Variants in CNTN4 observed in about 807,000 individuals in gnomAD.
CNTN4 encodes the protein contactin-4.
CNTN4 carries 77 observed loss-of-function variants against 122.5 expected under a neutral mutation model. That is an observed-to-expected ratio of 0.63 (90% CI 0.52 to 0.76). The LOEUF is 0.76. Among genes scored for constraint, CNTN4 ranks in the 30% least tolerant of loss-of-function variants. CNTN4 has a pLI of 0.00. For missense variants in CNTN4, 1,256 were observed against 1,259.1 expected (o/e 1.00, Z 0.04); for synonymous variants, 512 against 447.0 (o/e 1.15, Z -1.83).
chr3:2,682,754 C>G (rs954808133), intron 4 of CNTN4, among the ~76,000 whole-genome samples: 1 of 151,928 alleles, frequency 6.6e-6, no homozygotes, highest in South Asian at 2.1e-4. Context: ...AAAATTGCAC[C>G]CTGTATCATA....
At chr3:2,757,321 C>G (rs1039596950) in intron 6 of CNTN4, among the ~76,000 whole-genome samples, 3 of 152,108 alleles carry the variant, frequency 2.0e-5, no homozygotes, top group Non-Finnish European at 4.4e-5. Context: ...AGAATTGGCC[C>G]TTTCTCCATA....
intron 3 of CNTN4, among the ~76,000 whole-genome samples, chr3:2,396,671 A>G (rs992461305): frequency 8.9e-6 from 1 of 112,924 alleles, no homozygotes; most frequent in Non-Finnish European, 2.2e-5. Context: ...TTTTTTTTTT[A>G]TTAACCTCTC....
At chr3:2,176,961 A>G (rs2036774227) in intron 2 of CNTN4, among the ~76,000 whole-genome samples, 2 of 152,154 alleles carry the variant, frequency 1.3e-5, no homozygotes, top group South Asian at 4.1e-4. Flanking sequence ...TACCCAAGAA[A>G]ACCTATAGAC....
chr3:2,786,109 T>A (rs1208581557), intron 6 of CNTN4, among the ~76,000 whole-genome samples: 1 of 151,790 alleles, frequency 6.6e-6, no homozygotes, highest in Non-Finnish European at 1.5e-5. Context: ...TTCCCCTCCA[T>A]CCCCTTTCCA....
At chr3:2,662,926 T>G (rs187243054) in intron 4 of CNTN4, among the ~76,000 whole-genome samples, 1 of 152,020 alleles carries the variant, frequency 6.6e-6, no homozygotes, top group African/African-American at 2.4e-5. Context: ...AGCCCCATCT[T>G]CACATTTGTA....
At chr3:2,456,113 G>A (rs2048989405) in intron 3 of CNTN4, among the ~76,000 whole-genome samples, 1 of 152,024 alleles carries the variant, frequency 6.6e-6, no homozygotes, top group Non-Finnish European at 1.5e-5. Context: ...TATCTGCACA[G>A]CTAAGAGCAG....
chr3:2,252,200 A>G (rs981900819), intron 2 of CNTN4, among the ~76,000 whole-genome samples: 1 of 151,952 alleles, frequency 6.6e-6, no homozygotes, highest in Non-Finnish European at 1.5e-5. Context: ...TCCCTCCAAC[A>G]TAGTTGAGTG....
At chr3:2,432,638 A>G (rs144455671) in intron 3 of CNTN4, among the ~76,000 whole-genome samples, 1 of 151,530 alleles carries the variant, frequency 6.6e-6, no homozygotes, top group African/African-American at 2.4e-5. Flanking sequence ...ATGTGTGTGT[A>G]TGTATGTGTA....
chr3:2,199,043 A>T (rs1330910218), intron 2 of CNTN4, among the ~76,000 whole-genome samples: 2 of 152,216 alleles, frequency 1.3e-5, no homozygotes, highest in African/African-American at 4.8e-5. Flanking sequence ...TGGCCAAGAG[A>T]TGTCAGAATA....
At chr3:2,575,809 C>CTTT (rs56303805) in intron 4 of CNTN4, among the ~76,000 whole-genome samples, 25 of 101,246 alleles carry the variant, frequency 2.5e-4, no homozygotes, top group African/African-American at 7.9e-4. Context: ...TCTTCTTCTT[C>CTTT]TTTTTTTTTT....
rs565004863 is a variant in CNTN4 at position 2,224,099 on chromosome 3, C to A, written c.-144-115079C>A. Among the ~76,000 whole-genome samples, 131 of 152,258 alleles carry A rather than the reference C, an allele frequency of 8.6e-4. 1 individual carries two copies. The highest frequency in any genetic ancestry group is 5.2e-4 in the Admixed American group (8 of 15,302). Reference sequence around the variant, plus strand: ...AGATATTTTTTACTAACGTAGATTTCTTTTATAGATTTAAGTTTCTTTTAC... The same window carrying A: ...AGATATTTTTTACTAACGTAGATTTATTTTATAGATTTAAGTTTCTTTTAC... On this transcript the variant is annotated intron_variant, in intron 2 of 24. Coordinates refer to ENST00000418658, the MANE Select transcript of CNTN4 (RefSeq NM_175607.3).
At chr3:2,323,719 A>G (rs1442180958) in intron 2 of CNTN4, among the ~76,000 whole-genome samples, 2 of 152,232 alleles carry the variant, frequency 1.3e-5, no homozygotes, top group Non-Finnish European at 2.9e-5. Context: ...AAACAAGTAC[A>G]TGCATGCTCA....
intron 3 of CNTN4, among the ~76,000 whole-genome samples, chr3:2,346,372 C>T (rs908442963): frequency 1.3e-5 from 2 of 151,988 alleles, no homozygotes; most frequent in African/African-American, 4.8e-5. Context: ...ACTTTTTCTT[C>T]CTCTTAGTAA....
chr3:3,001,575 C>T (rs1696051120), intron 14 of CNTN4, among the ~76,000 whole-genome samples: 1 of 152,098 alleles, frequency 6.6e-6, no homozygotes, highest in Non-Finnish European at 1.5e-5. Context: ...AGACAGGGGG[C>T]ATGTATTCTC....
chr3:2,699,668 T>C (rs1291675137), intron 4 of CNTN4, among the ~76,000 whole-genome samples: 3 of 152,328 alleles, frequency 2.0e-5, no homozygotes, highest in Admixed American at 6.5e-5. Flanking sequence ...CAGGCACTTT[T>C]ATTTACTGGG....
intron 2 of CNTN4, among the ~76,000 whole-genome samples, chr3:2,168,225 G>A (rs2036288740): frequency 6.6e-6 from 1 of 152,062 alleles, no homozygotes; most frequent in Non-Finnish European, 1.5e-5. Context: ...GATCATATAT[G>A]TAAAGAAAAT....
intron 3 of CNTN4, among the ~76,000 whole-genome samples, chr3:2,404,980 G>C (rs2046981675): frequency 6.6e-6 from 1 of 152,088 alleles, no homozygotes; most frequent in Non-Finnish European, 1.5e-5. Context: ...AGATACACAG[G>C]GAGTATAATT....
At chr3:2,818,082 G>C (rs971264088) in intron 6 of CNTN4, among the ~76,000 whole-genome samples, 4 of 152,188 alleles carry the variant, frequency 2.6e-5, no homozygotes, top group Non-Finnish European at 5.9e-5. Context: ...GGTTTGCTCT[G>C]ATTAGGTGTT....
chr3:2,281,195 C>T (rs2041701957), intron 2 of CNTN4, among the ~76,000 whole-genome samples: 1 of 152,062 alleles, frequency 6.6e-6, no homozygotes, highest in South Asian at 2.1e-4. Flanking sequence ...TTTATACCTC[C>T]TACTCTCTTA....
Sources: allele counts gnomAD v4.1 joint callset (sites outside exome capture counted in the v4.1 genomes callset), GRCh38; gene constraint gnomAD v4.1.1; transcripts MANE v1.5; gene names NCBI Gene and HGNC (gene_info 2026-07-23, HGNC 2026-07-21).